NALF1: variants seen among roughly 807,000 people sequenced by gnomAD.
NALF1 encodes NALCN channel auxiliary factor 1.
NALF1 carries 3 observed loss-of-function variants against 48.4 expected under a neutral mutation model. That is an observed-to-expected ratio of 0.06 (90% confidence interval 0.03 to 0.16). NALF1 has a LOEUF of 0.16. NALF1 is among the 10% of genes least tolerant of loss of function. NALF1 has a pLI of 1.00. For missense variants in NALF1, 526 were observed against 571.5 expected (o/e 0.92, Z 0.81); for synonymous variants, 262 against 245.7 (o/e 1.07, Z -0.62).
chr13:107,470,298 A>G (rs1885079182), intron 1 of NALF1, among the ~76,000 whole-genome samples: 1 of 152,186 alleles, frequency 6.6e-6, no homozygotes, highest in Non-Finnish European at 1.5e-5. Flanking sequence ...CAAACATTCA[A>G]TGCTTTAGGA....
At chr13:107,649,702 G>A (rs1026177395) in intron 1 of NALF1, among the ~76,000 whole-genome samples, 1 of 152,108 alleles carries the variant, frequency 6.6e-6, no homozygotes, top group African/African-American at 2.4e-5. Context: ...TTTTTTAAAT[G>A]TCATGGCCAC....
intron 1 of NALF1, among the ~76,000 whole-genome samples, chr13:107,773,428 T>C (rs901279501): frequency 2.6e-5 from 4 of 152,164 alleles, no homozygotes; most frequent in African/African-American, 9.7e-5. Context: ...CAAGTTATTA[T>C]GGGATAATCT....
chr13:107,820,756 G>A (rs771562320), intron 1 of NALF1, among the ~76,000 whole-genome samples: 2 of 152,092 alleles, frequency 1.3e-5, no homozygotes, highest in Non-Finnish European at 2.9e-5. Flanking sequence ...TGCTTACAGC[G>A]ATTTTCCAGT....
chr13:107,581,766 A>T (rs184974611), intron 1 of NALF1, among the ~76,000 whole-genome samples: 2 of 152,288 alleles, frequency 1.3e-5, no homozygotes, highest in Admixed American at 6.5e-5. Flanking sequence ...TTTTCTTCAT[A>T]AGCAAATTGT....
chr13:107,637,636 A>G (rs2138454817), intron 1 of NALF1, among the ~76,000 whole-genome samples: 1 of 152,254 alleles, frequency 6.6e-6, no homozygotes, highest in Admixed American at 6.5e-5. Context: ...TGTCCAGTGC[A>G]GCCTGTGCAT....
chr13:107,533,955 A>C (rs1876721848), intron 1 of NALF1, among the ~76,000 whole-genome samples: 1 of 152,116 alleles, frequency 6.6e-6, no homozygotes, highest in East Asian at 1.9e-4. Context: ...ATCTATTATG[A>C]CTTGGGGAGA....
chr13:107,693,350 AT>A (rs1881614264), intron 1 of NALF1, among the ~76,000 whole-genome samples: 1 of 151,380 alleles, frequency 6.6e-6, no homozygotes, highest in South Asian at 2.1e-4. Context: ...GAGGGATAGC[AT>A]TAGGAGATAT....
chr13:107,731,661 T>C (rs1349563963), intron 1 of NALF1, among the ~76,000 whole-genome samples: 1 of 152,162 alleles, frequency 6.6e-6, no homozygotes, highest in African/African-American at 2.4e-5. Flanking sequence ...GTATTTGTTT[T>C]CCTGTTCCTG....
chr13:107,210,491 T>C, intron 2 of NALF1, 93 bp downstream of exon 2: 1 of 891,970 alleles, frequency 1.1e-6, no homozygotes, highest in East Asian at 2.4e-5. Flanking sequence ...TTCAAGGTTA[T>C]ATCAGTGAAA....
intron 1 of NALF1, among the ~76,000 whole-genome samples, chr13:107,233,415 CTG>C (rs1400089000): frequency 2.0e-5 from 3 of 152,164 alleles, no homozygotes; most frequent in Admixed American, 1.3e-4. Context: ...TTGTACTCCA[CTG>C]TGTATGAAAA....
chr13:107,789,322 A>G (rs1878164192), intron 1 of NALF1, among the ~76,000 whole-genome samples: 1 of 152,218 alleles, frequency 6.6e-6, no homozygotes, highest in Admixed American at 6.5e-5. Context: ...TGATTTCACA[A>G]TTTTTGAAAA....
At chr13:107,674,687 A>G (rs1279242029) in intron 1 of NALF1, among the ~76,000 whole-genome samples, 1 of 152,214 alleles carries the variant, frequency 6.6e-6, no homozygotes, top group Non-Finnish European at 1.5e-5. Flanking sequence ...ACATACACAG[A>G]CTAAGGCAGA....
intron 1 of NALF1, among the ~76,000 whole-genome samples, chr13:107,615,216 T>C (rs974285196): frequency 6.6e-6 from 1 of 152,204 alleles, no homozygotes; most frequent in Non-Finnish European, 1.5e-5. Flanking sequence ...TTTTTTCCTA[T>C]GAAGGGACAA....
intron 1 of NALF1, among the ~76,000 whole-genome samples, chr13:107,231,643 C>A (rs529197483): frequency 6.6e-6 from 1 of 152,294 alleles, no homozygotes; most frequent in South Asian, 2.1e-4. Flanking sequence ...CTGTAATATA[C>A]AAAAAAGCTA....
chr13:107,560,369 C>T lies in NALF1; in HGVS notation c.915+305313G>A, dbSNP rs538521741. Reference sequence around the variant, plus strand: ...TAAACCACTGAATTGAATAAAATACCCAAGGACTTGTCTGATGATTTCTTC... The same window carrying T: ...TAAACCACTGAATTGAATAAAATACTCAAGGACTTGTCTGATGATTTCTTC... On this transcript the variant is annotated intron_variant, in intron 1 of 2. Coordinates refer to ENST00000375915, the MANE Select transcript of NALF1 (RefSeq NM_001080396.3). 2.0e-5 allele frequency among the ~76,000 whole-genome samples: 3 copies of T among 151,766 alleles called. No homozygotes were observed. The East Asian group carries it at 5.8e-4, about 29-fold the overall frequency.
intron 1 of NALF1, among the ~76,000 whole-genome samples, chr13:107,538,682 T>C (rs1012523849): frequency 5.3e-5 from 8 of 152,286 alleles, no homozygotes; most frequent in East Asian, 1.9e-4. Context: ...GATTCTGTCA[T>C]TGGAATCAGA....
intron 1 of NALF1, among the ~76,000 whole-genome samples, chr13:107,671,034 C>T (rs1880978724): frequency 6.6e-6 from 1 of 152,048 alleles, no homozygotes; most frequent in Admixed American, 6.6e-5. Context: ...CTCAGATGTG[C>T]AACTTCCTTA....
chr13:107,712,715 A>C (rs1008099250), intron 1 of NALF1, among the ~76,000 whole-genome samples: 4 of 152,238 alleles, frequency 2.6e-5, no homozygotes, highest in Non-Finnish European at 5.9e-5. Flanking sequence ...AAAATAAAAG[A>C]AAGCAGTGAA....
intron 2 of NALF1, among the ~76,000 whole-genome samples, chr13:107,187,521 G>C (rs918533521): frequency 2.6e-5 from 4 of 152,148 alleles, no homozygotes; most frequent in Admixed American, 1.3e-4. Flanking sequence ...ACCCAAAGGA[G>C]GTAAGATGAA....
Sources: allele counts gnomAD v4.1 joint callset (sites outside exome capture counted in the v4.1 genomes callset), GRCh38; gene constraint gnomAD v4.1.1; transcripts MANE v1.5; gene names NCBI Gene and HGNC (gene_info 2026-07-23, HGNC 2026-07-21).